TNR: variants seen among roughly 807,000 people sequenced by gnomAD.
TNR encodes tenascin R, also known as tenascin-R.
In TNR, 45 loss-of-function variants were observed where a neutral mutation model predicts 150.4. The ratio of observed to expected loss-of-function variants is 0.30; its 90% CI spans 0.24 to 0.38. TNR has a LOEUF of 0.38. Among genes scored for constraint, TNR ranks in the 10% least tolerant of loss-of-function variants. The pLI, the probability that TNR is intolerant of heterozygous loss-of-function variation, is 1.00. For missense variants in TNR, 1,544 were observed against 1,759.1 expected (o/e 0.88, Z 2.19); for synonymous variants, 687 against 678.4 (o/e 1.01, Z -0.20).
intron 20 of TNR, among the ~76,000 whole-genome samples, chr1:175,332,317 C>G (rs2101987815): frequency 6.6e-6 from 1 of 152,336 alleles, no homozygotes; most frequent in East Asian, 1.9e-4. Flanking sequence ...AGGGATCACA[C>G]TGAAGTGAGT....
chr1:175,638,074 C>T (rs1459363069), intron 1 of TNR, among the ~76,000 whole-genome samples: 2 of 152,168 alleles, frequency 1.3e-5, no homozygotes, highest in African/African-American at 4.8e-5. Flanking sequence ...AAGCATACCT[C>T]ATACAGCTGG....
At chr1:175,465,778 A>G (rs1216109213) in intron 2 of TNR, among the ~76,000 whole-genome samples, 2 of 152,194 alleles carry the variant, frequency 1.3e-5, no homozygotes, top group Non-Finnish European at 2.9e-5. Context: ...CGCAAAGGCA[A>G]GCCCAGTGTG....
At chr1:175,664,186 GC>G (rs1665463052) in intron 1 of TNR, among the ~76,000 whole-genome samples, 1 of 152,254 alleles carries the variant, frequency 6.6e-6, no homozygotes, top group South Asian at 2.1e-4. Context: ...ACCAGCTACA[GC>G]CAGCTGGCCT....
At chr1:175,517,149 T>C (rs1298532817) in intron 2 of TNR, among the ~76,000 whole-genome samples, 1 of 152,092 alleles carries the variant, frequency 6.6e-6, no homozygotes, top group African/African-American at 2.4e-5. Context: ...TGCTGAAATA[T>C]CTTTTCTGGA....
At position 175,433,333 on chromosome 1, in the gene TNR, C is replaced by T. The variant is rs867574665; in HGVS notation, c.-63-26556G>A. Among the ~76,000 whole-genome samples, 4 of 152,204 alleles carry T rather than the reference C, an allele frequency of 2.6e-5. No individual in the cohort carries two copies. The South Asian group carries it at 6.2e-4, about 24-fold the overall frequency. On this transcript the variant is annotated intron_variant, in intron 2 of 22. Coordinates refer to ENST00000367674, the MANE Select transcript of TNR (RefSeq NM_003285.3). ...AAATATTTCACATGCTCCACTATCCCCTCTTCGGTCTTCACTATCAAGGAG... is the reference window on the plus strand; with the variant it reads ...AAATATTTCACATGCTCCACTATCCTCTCTTCGGTCTTCACTATCAAGGAG...
intron 1 of TNR, among the ~76,000 whole-genome samples, chr1:175,564,510 A>G (rs1460570061): frequency 1.3e-5 from 2 of 152,232 alleles, no homozygotes; most frequent in African/African-American, 4.8e-5. Context: ...GAGGCTCAGA[A>G]TATTTAAAAA....
intron 9 of TNR, among the ~76,000 whole-genome samples, chr1:175,379,160 T>C (rs859424): frequency 0.7 from 95,586 of 137,038 alleles, 32,003 homozygotes; most frequent in East Asian, 0.83. Context: ...GCCTGGGCAA[T>C]AAGAGTGAAA....
intron 2 of TNR, among the ~76,000 whole-genome samples, chr1:175,513,799 C>T (rs1034546449): frequency 6.6e-6 from 1 of 152,214 alleles, no homozygotes; most frequent in Non-Finnish European, 1.5e-5. Flanking sequence ...CTTTCCTCTG[C>T]CTGCTCAGGG....
Position 175,658,147 on chromosome 1 carries a change from A to C in TNR, c.-165+85079T>G, listed in dbSNP as rs141440329. On this transcript the variant is annotated intron_variant, in intron 1 of 22. Coordinates refer to ENST00000367674, the MANE Select transcript of TNR (RefSeq NM_003285.3). ...CCCCTGAACCTCAAGATGTGGAGTC[A>C]AGGCTGCTGTACTCTCACCCCCAGA... 1.4e-3 allele frequency among the ~76,000 whole-genome samples: 216 copies of C among 152,042 alleles called. 1 individual carries two copies. Among genetic ancestry groups the C allele is most frequent in the African/African-American group, 5.0e-3 (208 of 41,456 alleles).
chr1:175,727,293 A>G (rs1667506138), intron 1 of TNR, among the ~76,000 whole-genome samples: 1 of 152,242 alleles, frequency 6.6e-6, no homozygotes, highest in African/African-American at 2.4e-5. Context: ...TCCCAATAGT[A>G]AGTACGAATA....
intron 1 of TNR, among the ~76,000 whole-genome samples, chr1:175,719,235 C>T (rs892534314): frequency 5.9e-5 from 9 of 152,222 alleles, no homozygotes; most frequent in Non-Finnish European, 1.3e-4. Context: ...GGCTGTGGCC[C>T]ACCTCTTGGG....
intron 1 of TNR, among the ~76,000 whole-genome samples, chr1:175,587,447 A>T (rs769654996): frequency 1.1e-4 from 16 of 152,222 alleles, no homozygotes; most frequent in Non-Finnish European, 2.9e-5. Flanking sequence ...CCTGACTCAC[A>T]TTTGAGGGTT....
chr1:175,734,516 G>A (rs1397825583), intron 1 of TNR, among the ~76,000 whole-genome samples: 1 of 152,206 alleles, frequency 6.6e-6, no homozygotes, highest in Non-Finnish European at 1.5e-5. Flanking sequence ...AGCAGGGGAT[G>A]CAAGGTCAGC....
rs1648871108 is a variant in TNR, at chr1:175,317,212, C to T, written c.*6145G>A. The T allele has an allele frequency of 6.6e-6, 1 of 152,182 alleles. No individual in the cohort carries two copies. The highest frequency in any genetic ancestry group is 6.5e-5 in the Admixed American group (1 of 15,280). The allele number at this position is 152,182 out of a possible 1,614,324, so 9.4% of individuals were successfully genotyped here. On this transcript the variant is annotated 3_prime_UTR_variant, in exon 23 of 23. Transcript: ENST00000367674. ...TGGGTATGCAATAAATGCTATTTAT[C>T]TTAGTGTTCATTTGTGGAGAATCAA...
chr1:175,507,066 G>A (rs1431169199), intron 2 of TNR, among the ~76,000 whole-genome samples: 2 of 152,216 alleles, frequency 1.3e-5, no homozygotes, highest in African/African-American at 4.8e-5. Context: ...TGTATGTAAA[G>A]TCTTCATTTG....
chr1:175,330,904 C>G (rs1369011041), intron 20 of TNR, among the ~76,000 whole-genome samples: 1 of 152,218 alleles, frequency 6.6e-6, no homozygotes, highest in African/African-American at 2.4e-5. Flanking sequence ...CTTCCTTTGC[C>G]TCTAAACTTC....
intron 1 of TNR, among the ~76,000 whole-genome samples, chr1:175,704,182 C>T (rs12408474): frequency 0.087 from 13,232 of 152,106 alleles, 726 homozygotes; most frequent in East Asian, 0.19. Flanking sequence ...CTAAACTGTA[C>T]GCTTAAAAAT....
At chr1:175,326,814 T>C (rs1649423008) in intron 21 of TNR, among the ~76,000 whole-genome samples, 1 of 152,208 alleles carries the variant, frequency 6.6e-6, no homozygotes, top group East Asian at 1.9e-4. Flanking sequence ...ATTACAGGCA[T>C]GCACCACCAC....
rs767303736 is a variant in TNR at position 175,319,008 on chromosome 1, T to A, written c.*4349A>T. 2.6e-5 allele frequency: 4 copies of A among 152,222 alleles called. No individual in the cohort carries two copies. Among genetic ancestry groups the A allele is most frequent in the Non-Finnish European group, 5.9e-5 (4 of 68,040 alleles). 9.4% of individuals were successfully genotyped at this position (152,222 alleles called of 1,614,324 possible). On this transcript the variant is annotated 3_prime_UTR_variant, in exon 23 of 23. Coordinates refer to ENST00000367674, the MANE Select transcript of TNR (RefSeq NM_003285.3). ...AAAAATTTAAGAGTGGACAGTGAGA[T>A]GCAAGGAAGGCGGAAAGTGTCCCCC...
Sources: gnomAD v4.1 joint callset for allele counts (sites outside exome capture counted in the v4.1 genomes callset) on GRCh38, gnomAD v4.1.1 for gene constraint, MANE v1.5 for transcripts, NCBI Gene and HGNC (gene_info 2026-07-23, HGNC 2026-07-21) for gene names.